Variants in USP34 observed in about 807,000 individuals in gnomAD.
USP34 encodes the protein ubiquitin carboxyl-terminal hydrolase 34.
A neutral mutation model predicts 460.3 loss-of-function variants in USP34; 70 were observed. The observed-to-expected ratio is 0.15, with a 90% CI of 0.13 to 0.19. The LOEUF (loss-of-function observed/expected upper bound fraction) is 0.19. USP34 is among the 10% of genes least tolerant of loss of function. The pLI is 1.00. For missense variants in USP34, 3,985 were observed against 4,236.2 expected, an observed-to-expected ratio of 0.94 and a Z score of 1.65; for synonymous variants, 1,647 against 1,405.3, an observed-to-expected ratio of 1.17 and a Z score of -3.85.
intron 2 of USP34, among the ~76,000 whole-genome samples, chr2:61,412,604 A>T (rs1694073004): frequency 2.0e-5 from 3 of 152,114 alleles, no homozygotes; most frequent in Admixed American, 2.0e-4. Context: ...AATGGAGAGA[A>T]AAGGCCTGGT....
At chr2:61,320,736 G>T (rs555435870) in intron 21 of USP34, among the ~76,000 whole-genome samples, 1 of 152,142 alleles carries the variant, frequency 6.6e-6, no homozygotes, top group African/African-American at 2.4e-5. Context: ...TAGGCTGGGC[G>T]TGGTGGCTCA....
Position 61,343,819 on chromosome 2 carries a change from A to T in USP34, c.2496T>A (p.Ser832Arg). The T allele has an allele frequency of 6.2e-7, 1 of 1,613,678 alleles. No homozygotes were observed. Among genetic ancestry groups the T allele is most frequent in the Non-Finnish European group, 8.5e-7 (1 of 1,179,682 alleles). ...TTACTTACTGTAGAGTCTTACCTTGACTAAGATGTTCATGGTAAATGGAAG... is the reference window on the plus strand; with the variant it reads ...TTACTTACTGTAGAGTCTTACCTTGTCTAAGATGTTCATGGTAAATGGAAG... ...NLASIYHEHL[S>R]QGPVVHKHQF... is the part of the protein sequence containing the mutation. Residue 832 changes from serine to arginine, a missense_variant, in exon 16 of 80, where the codon AGT becomes AGA. Coordinates refer to ENST00000398571, the MANE Select transcript of USP34 (RefSeq NM_014709.4).
At chr2:61,284,524 C>T (rs1448556689) in intron 35 of USP34, among the ~76,000 whole-genome samples, 1 of 151,984 alleles carries the variant, frequency 6.6e-6, no homozygotes, top group African/African-American at 2.4e-5. Flanking sequence ...TGTTAGATAA[C>T]ATATCAATGT....
rs774603714 is a variant in USP34 at position 61,208,949 on chromosome 2, C to T, written c.8869G>A (p.Glu2957Lys). 18 of 1,595,204 alleles carry T rather than the reference C, an allele frequency of 1.1e-5. No homozygotes were observed. Among genetic ancestry groups the T allele is most frequent in the Non-Finnish European group, 1.3e-5 (15 of 1,171,310 alleles). The part of the protein sequence containing the change: ...SAFRILLESD[E>K]DRLLVVFNRG... ...TTAAATACAACAAGAAGTCTGTCTTCATCAGATTCTAATAGTATTCTGAAG... is the reference window on the plus strand; with the variant it reads ...TTAAATACAACAAGAAGTCTGTCTTTATCAGATTCTAATAGTATTCTGAAG... The change falls in exon 70 of 80, where the codon GAA (glutamate) becomes AAA (lysine). Residue 2957 changes from glutamate to lysine, a missense_variant. Coordinates refer to ENST00000398571, the MANE Select transcript of USP34 (RefSeq NM_014709.4).
intron 62 of USP34, among the ~76,000 whole-genome samples, chr2:61,225,268 A>C (rs1169247621): frequency 6.6e-6 from 1 of 152,094 alleles, no homozygotes; most frequent in East Asian, 1.9e-4. Context: ...TGACATTAAC[A>C]GTTACTTATT....
At chr2:61,425,281 G>C (rs570934323) in intron 1 of USP34, among the ~76,000 whole-genome samples, 27 of 152,126 alleles carry the variant, frequency 1.8e-4, no homozygotes, top group African/African-American at 6.5e-4. Flanking sequence ...GGTTTTAACT[G>C]AAACACCTTC....
chr2:61,220,446 G>A lies in USP34; in HGVS notation c.7911C>T (p.Tyr2637=), dbSNP rs374443739. 1.2e-6 allele frequency: 2 copies of A among 1,611,232 alleles called. No homozygotes were observed. The highest frequency in any genetic ancestry group is 1.3e-5 in the African/African-American group (1 of 74,752). The change falls in exon 67 of 80, where the codon TAC becomes TAT. Residue 2637 remains tyrosine (Y), a synonymous_variant. Transcript: ENST00000398571. The stretch of plus-strand genomic sequence containing the variant: ...ACCAATCTAGACACTGAGAAGGATT[G>A]TATTCAATCACCTACAAATAACATG... The part of the protein sequence containing the change: ...ILQRIWEVIE[Y]NPSQCLDWLA...
At chr2:61,268,335 T>TA (rs1689113690) in intron 41 of USP34, among the ~76,000 whole-genome samples, 1 of 148,348 alleles carries the variant, frequency 6.7e-6, no homozygotes, top group East Asian at 2.0e-4. Flanking sequence ...TGAGGTCTAG[T>TA]GAGAGGTGTT....
At chr2:61,464,617 C>A (rs576520145) in intron 1 of USP34, among the ~76,000 whole-genome samples, 32 of 145,886 alleles carry the variant, frequency 2.2e-4, no homozygotes, top group African/African-American at 6.3e-4. Context: ...GTACACCAGG[C>A]GTGGTGGCTC....
intron 16 of USP34, among the ~76,000 whole-genome samples, chr2:61,343,508 G>T (rs1226721575): frequency 6.6e-6 from 1 of 152,046 alleles, no homozygotes; most frequent in African/African-American, 2.4e-5. Flanking sequence ...TAGGATTTCT[G>T]AGTATAAATT....
chr2:61,397,724 C>A (rs1033542108), intron 3 of USP34, among the ~76,000 whole-genome samples: 1 of 151,912 alleles, frequency 6.6e-6, no homozygotes, highest in Non-Finnish European at 1.5e-5. Flanking sequence ...CATGGTGAAA[C>A]CCCATCTCTA....
rs1447208378 is a variant in USP34, at chr2:61,470,746, G to T, written c.-54C>A. ...GCTTCGGATCACACTGACTGATCCC[G>T]ACCGGCGGGGGGGAGGGGAGAGAGG... is the stretch of plus-strand genomic sequence containing the variant. On this transcript the variant is annotated 5_prime_UTR_variant, in exon 1 of 80. Transcript: ENST00000398571. 1.4e-5 allele frequency: 20 copies of T among 1,480,744 alleles called. No individual in the cohort carries two copies. The highest frequency in any genetic ancestry group is 1.7e-5 in the Non-Finnish European group (19 of 1,087,096). 91.7% of individuals were successfully genotyped at this position (1,480,744 alleles called of 1,614,324 possible). A position where few individuals can be genotyped will look rare whatever the true frequency, so the allele number is the denominator to read the frequency against.
chr2:61,323,416 G>C (rs1047807391), intron 21 of USP34, among the ~76,000 whole-genome samples: 1 of 151,622 alleles, frequency 6.6e-6, no homozygotes, highest in African/African-American at 2.4e-5. Flanking sequence ...TTGGGAGGCT[G>C]AGGCAAGAGA....
intron 62 of USP34, among the ~76,000 whole-genome samples, chr2:61,223,834 C>G (rs1315225864): frequency 6.6e-6 from 1 of 152,080 alleles, no homozygotes; most frequent in Non-Finnish European, 1.5e-5. Flanking sequence ...TTGCATATTT[C>G]TTTTATAACT....
Position 61,242,079 on chromosome 2 carries a change from A to G in USP34, c.6628-260T>C, listed in dbSNP as rs555194812. Among the ~76,000 whole-genome samples, 5 of 152,268 alleles carry G rather than the reference A, an allele frequency of 3.3e-5. No homozygotes were observed. In the East Asian group the frequency reaches 5.8e-4, roughly 18 times the overall value. On this transcript the variant is annotated intron_variant, in intron 51 of 79. Coordinates refer to ENST00000398571, the MANE Select transcript of USP34 (RefSeq NM_014709.4). ...AAGTTGAGACTGAGAAAATTTTACT[A>G]TAACAAAAGAAAACAAATGATGACA...
chr2:61,393,068 T>C (rs1418241980), intron 5 of USP34, among the ~76,000 whole-genome samples: 1 of 152,194 alleles, frequency 6.6e-6, no homozygotes, highest in African/African-American at 2.4e-5. Context: ...ATCTTTCTCA[T>C]TTTAAACCTC....
intron 58 of USP34, among the ~76,000 whole-genome samples, chr2:61,230,087 A>C (rs1485469210): frequency 2.0e-5 from 3 of 152,216 alleles, no homozygotes; most frequent in Non-Finnish European, 4.4e-5. Flanking sequence ...ATTTTGAGAA[A>C]AATGCATACC....
In USP34 at chr2:61,241,763, T is replaced by C. The variant is rs1194872275; in HGVS notation, c.6681+3A>G. On this transcript the variant is annotated splice_donor_region_variant and intron_variant, in intron 52 of 79. Coordinates refer to ENST00000398571, the MANE Select transcript of USP34 (RefSeq NM_014709.4). ...TAAAATTATACATGAAAAAAATGGT[T>C]ACCTTTTCAAAAGAGAAGTCCATAA... is the stretch of plus-strand genomic sequence containing the variant. The C allele has an allele frequency of 1.3e-6, 2 of 1,524,944 alleles. No homozygotes were observed. 94.5% of individuals were successfully genotyped at this position (1,524,944 alleles called of 1,614,324 possible).
At chr2:61,231,957 G>C (rs1254003401) in intron 58 of USP34, among the ~76,000 whole-genome samples, 1 of 151,270 alleles carries the variant, frequency 6.6e-6, no homozygotes, top group African/African-American at 2.4e-5. Flanking sequence ...CTAAGTTTTT[G>C]ATTTTGTGAA....
Sources: gnomAD v4.1 joint callset for allele counts (sites outside exome capture counted in the v4.1 genomes callset) on GRCh38, gnomAD v4.1.1 for gene constraint, MANE v1.5 for transcripts, NCBI Gene and HGNC (gene_info 2026-07-23, HGNC 2026-07-21) for gene names.